The following SCAI variants were observed in gnomAD, a reference collection of about 807,000 sequenced individuals.
SCAI encodes suppressor of cancer cell invasion.
Under a neutral mutation model 92.2 loss-of-function variants are expected in SCAI, and 24 were observed. The observed-to-expected ratio is 0.26, with a 90% confidence interval of 0.19 to 0.37. The LOEUF (loss-of-function observed/expected upper bound fraction) is 0.37. Among genes scored for constraint, SCAI ranks in the 10% least tolerant of loss-of-function variants. SCAI has a pLI of 1.00. For synonymous variants in SCAI, 261 were observed against 258.6 expected (o/e 1.01, Z -0.09); for missense variants, 450 against 736.2 (o/e 0.61, Z 4.50).
At chr9:124,988,146 T>C (rs1206068593) in intron 14 of SCAI, among the ~76,000 whole-genome samples, 2 of 151,980 alleles carry the variant, frequency 1.3e-5, no homozygotes, top group South Asian at 2.1e-4. Flanking sequence ...CCAGGTGGAA[T>C]AGTTGCATCT....
chr9:125,020,853 CTCTT>C, intron 6 of SCAI, 84 bp from the exon 7 acceptor site: 2 of 597,298 alleles, frequency 3.3e-6, no homozygotes, highest in African/African-American at 2.0e-5. Context: ...GCTTTTAAAA[CTCTT>C]TCCCTCCTTT....
At chr9:125,129,216 C>T (rs993957437) in intron 2 of SCAI, among the ~76,000 whole-genome samples, 5 of 151,388 alleles carry the variant, frequency 3.3e-5, no homozygotes, top group Non-Finnish European at 4.4e-5. Context: ...TGAGGCGAGC[C>T]GATCACTTGA....
chr9:125,009,628 C>G (rs540635604), intron 9 of SCAI, among the ~76,000 whole-genome samples: 8 of 152,130 alleles, frequency 5.3e-5, no homozygotes, highest in Non-Finnish European at 1.2e-4. Flanking sequence ...GGCTCACACC[C>G]GTAATCCCAA....
chr9:124,960,183 T>C (rs533872157), intron 17 of SCAI, among the ~76,000 whole-genome samples: 20 of 152,260 alleles, frequency 1.3e-4, no homozygotes, highest in African/African-American at 3.9e-4. Context: ...GTGCAAAGGC[T>C]TGTACAAGCC....
intron 9 of SCAI, among the ~76,000 whole-genome samples, chr9:125,016,512 C>A: frequency 6.6e-6 from 1 of 151,730 alleles, no homozygotes; most frequent in African/African-American, 2.4e-5. Flanking sequence ...TAGAAAAAAT[C>A]AGTATTTCAT....
intron 9 of SCAI, among the ~76,000 whole-genome samples, chr9:125,012,683 T>C (rs984751986): frequency 1.3e-5 from 2 of 152,156 alleles, no homozygotes; most frequent in Non-Finnish European, 2.9e-5. Flanking sequence ...GCAGACCTAA[T>C]AGACATCTAC....
At chr9:125,023,157 T>C (rs1832903651) in intron 6 of SCAI, among the ~76,000 whole-genome samples, 1 of 152,206 alleles carries the variant, frequency 6.6e-6, no homozygotes, top group Non-Finnish European at 1.5e-5. Context: ...ATCGATGTTT[T>C]AGAATACAAG....
At chr9:124,978,856 C>T (rs770817992) in intron 14 of SCAI, among the ~76,000 whole-genome samples, 4 of 151,896 alleles carry the variant, frequency 2.6e-5, no homozygotes, top group African/African-American at 4.8e-5. Context: ...TGAAGGGTCA[C>T]CAATACTTTT....
At chr9:125,093,116 T>A (rs891772895) in intron 2 of SCAI, among the ~76,000 whole-genome samples, 2 of 152,228 alleles carry the variant, frequency 1.3e-5, no homozygotes, top group African/African-American at 4.8e-5. Flanking sequence ...ATCCCAACAC[T>A]TTGGGAGGCC....
intron 2 of SCAI, among the ~76,000 whole-genome samples, chr9:125,114,367 T>G (rs1163925828): frequency 6.6e-6 from 1 of 152,116 alleles, no homozygotes; most frequent in Non-Finnish European, 1.5e-5. Flanking sequence ...CACTAGTAAT[T>G]ACAGTTATTG....
At chr9:124,960,660 A>G (rs1831418966) in intron 17 of SCAI, among the ~76,000 whole-genome samples, 1 of 152,238 alleles carries the variant, frequency 6.6e-6, no homozygotes. Context: ...CCTCTGGGGT[A>G]ATGGGTACTG....
intron 2 of SCAI, among the ~76,000 whole-genome samples, chr9:125,106,204 T>C (rs1362988401): frequency 2.2e-5 from 3 of 139,092 alleles, no homozygotes; most frequent in African/African-American, 7.9e-5. Flanking sequence ...TCTTAAATTT[T>C]GGTCTAAATA....
At chr9:125,015,607 T>C (rs1332575528) in intron 9 of SCAI, among the ~76,000 whole-genome samples, 2 of 152,176 alleles carry the variant, frequency 1.3e-5, no homozygotes, top group Admixed American at 6.6e-5. Flanking sequence ...TCAACCATTG[T>C]GGAAGTCAGT....
rs1372960209 is a variant in SCAI at position 124,942,878 on chromosome 9, A to C, written c.*9929T>G. The C allele has an allele frequency of 6.6e-6, 1 of 152,232 alleles. No homozygotes were observed. Among genetic ancestry groups the C allele is most frequent in the Admixed American group, 6.5e-5 (1 of 15,280 alleles). The allele number at this position is 152,232 out of a possible 1,614,324, so 9.4% of individuals were successfully genotyped here. On this transcript the variant is annotated 3_prime_UTR_variant, in exon 18 of 18. Coordinates refer to ENST00000336505, the MANE Select transcript of SCAI (RefSeq NM_001144877.3). ...GGTGGTAGGCACTGTATAGCAGGAG[A>C]AAACATTGGAAAGCCTACTGAATCC...
intron 9 of SCAI, among the ~76,000 whole-genome samples, chr9:125,010,534 C>T (rs10986517): frequency 0.012 from 1,829 of 152,320 alleles, 93 homozygotes; most frequent in Admixed American, 0.082. Flanking sequence ...CCAGAAAGCT[C>T]GAACTGGGTC....
At chr9:125,090,186 A>G (rs1834402492) in intron 2 of SCAI, among the ~76,000 whole-genome samples, 1 of 152,234 alleles carries the variant, frequency 6.6e-6, no homozygotes, top group Non-Finnish European at 1.5e-5. Context: ...TTAACAAATG[A>G]TGAATACTAC....
chr9:125,101,327 G>T (rs1220491012), intron 2 of SCAI, among the ~76,000 whole-genome samples: 1 of 152,198 alleles, frequency 6.6e-6, no homozygotes. Context: ...GAAGCCAGTT[G>T]TAAGACTGCT....
chr9:124,977,404 G>GA (rs1831783542), intron 14 of SCAI, among the ~76,000 whole-genome samples: 1 of 142,152 alleles, frequency 7.0e-6, no homozygotes, highest in Non-Finnish European at 1.6e-5. Context: ...GTGAGGCCCG[G>GA]CACAGTGGCT....
intron 9 of SCAI, among the ~76,000 whole-genome samples, chr9:125,005,917 A>G (rs1299074473): frequency 6.6e-6 from 1 of 152,192 alleles, no homozygotes; most frequent in Non-Finnish European, 1.5e-5. Context: ...GTCTCCCCCA[A>G]GAATTCACGG....
Sources: gnomAD v4.1 joint callset for allele counts (sites outside exome capture counted in the v4.1 genomes callset) on GRCh38, gnomAD v4.1.1 for gene constraint, MANE v1.5 for transcripts, NCBI Gene and HGNC (gene_info 2026-07-23, HGNC 2026-07-21) for gene names.